Variants in TMEM242 observed in about 807,000 individuals in gnomAD.
TMEM242 encodes the protein UPF0463 transmembrane protein C6orf35.
A neutral mutation model predicts 18.2 loss-of-function variants in TMEM242; 10 were observed. The ratio of observed to expected loss-of-function variants is 0.55; its 90% CI spans 0.34 to 0.93. TMEM242 has a LOEUF of 0.93. Ranked by LOEUF, TMEM242 falls within the 40% of genes least tolerant of loss-of-function variation. The pLI is 0.02. For missense variants in TMEM242, 186 were observed against 175.5 expected, an observed-to-expected ratio of 1.06 and a Z score of -0.34; for synonymous variants, 57 against 69.9, an observed-to-expected ratio of 0.81 and a Z score of 0.92.
chr6:157,316,453 T>C (rs782084257), intron 3 of TMEM242, among the ~76,000 whole-genome samples: 18 of 152,226 alleles, frequency 1.2e-4, no homozygotes, highest in South Asian at 4.1e-4. Context: ...AGATTTTATA[T>C]TGGTCGAAAG....
At position 157,311,173 on chromosome 6, in the gene TMEM242, C is replaced by A. The variant is rs1443540293; in HGVS notation, c.327+7609G>T. Among the ~76,000 whole-genome samples the A allele has an allele frequency of 1.1e-4, 6 of 53,800 alleles. 1 individual carries two copies. The Admixed American group carries it at 1.3e-3, about 11-fold the overall frequency. The allele number at this position is 53,800 out of a possible 152,430, so 35.3% of individuals were successfully genotyped here. A position where few individuals can be genotyped will look rare whatever the true frequency, so the allele number is the denominator to read the frequency against. ...ACTCACCTAGCCCCATCATAGTGTC[C>A]GAATGTGCGCTCACCCAGCCTGATC... On this transcript the variant is annotated intron_variant, in intron 3 of 3. Transcript: ENST00000400788.
At chr6:157,323,208 G>GC (rs1363937017) in intron 1 of TMEM242, among the ~76,000 whole-genome samples, 1 of 152,134 alleles carries the variant, frequency 6.6e-6, no homozygotes, top group African/African-American at 2.4e-5. Context: ...CGCGGGATCT[G>GC]CCCCCCGCCC....
At chr6:157,312,038 CCGGCCTCATCATAG>C (rs1778146532) in intron 3 of TMEM242, among the ~76,000 whole-genome samples, 1 of 57,178 alleles carries the variant, frequency 1.7e-5, no homozygotes, top group African/African-American at 7.9e-5. Context: ...GTGCACTCAA[CCGGCCTCATCATAG>C]TGTCCCAGTG....
chr6:157,301,114 A>G (rs368946556), intron 3 of TMEM242, among the ~76,000 whole-genome samples: 1 of 152,130 alleles, frequency 6.6e-6, no homozygotes, highest in East Asian at 1.9e-4. Flanking sequence ...AAATGATGGC[A>G]CTTTCTCCTC....
intron 3 of TMEM242, among the ~76,000 whole-genome samples, chr6:157,313,383 T>C: frequency 5.3e-5 from 1 of 19,046 alleles, no homozygotes; most frequent in Non-Finnish European, 1.0e-4. Context: ...TGCCTCAGTG[T>C]ACGCTCACCG....
rs1014517930 is a variant in TMEM242 at position 157,318,780 on chromosome 6, A to G, written c.327+2T>C. On this transcript the variant is annotated splice_donor_variant, in intron 3 of 3. Transcript: ENST00000400788. LOFTEE classifies it high-confidence loss of function. ...ACCAGGGACAAGACAGTAGTTACTTACACTGTGAACTCCTAAAGCTTTCCA... is the reference window on the plus strand; with the variant it reads ...ACCAGGGACAAGACAGTAGTTACTTGCACTGTGAACTCCTAAAGCTTTCCA... The G allele has an allele frequency of 1.9e-6, 3 of 1,613,958 alleles. No individual in the cohort carries two copies. The highest frequency in any genetic ancestry group is 2.7e-5 in the African/African-American group (2 of 74,940).
intron 3 of TMEM242, among the ~76,000 whole-genome samples, chr6:157,304,462 CAAAAAAAAAAAAAAAA>C (rs782782714): frequency 5.9e-5 from 4 of 67,234 alleles, no homozygotes; most frequent in African/African-American, 2.2e-4. Flanking sequence ...GAGACTCTGT[CAAAAAAAAAAAAAAAA>C]AAAAAAAAAA....
At chr6:157,309,129 A>G (rs1777957339) in intron 3 of TMEM242, among the ~76,000 whole-genome samples, 1 of 152,190 alleles carries the variant, frequency 6.6e-6, no homozygotes, top group African/African-American at 2.4e-5. Context: ...GTTTAGTGAA[A>G]AAAGATTGCA....
intron 3 of TMEM242, among the ~76,000 whole-genome samples, chr6:157,310,662 A>C (rs1778005746): frequency 6.6e-6 from 1 of 150,970 alleles, no homozygotes; most frequent in African/African-American, 2.5e-5. Flanking sequence ...ACCCGGCCTC[A>C]TCATAGTGTC....
intron 2 of TMEM242, among the ~76,000 whole-genome samples, chr6:157,321,534 TAGTACAAGCATC>T: frequency 6.6e-6 from 1 of 152,272 alleles, no homozygotes; most frequent in East Asian, 1.9e-4. Flanking sequence ...TCTGTACCAT[TAGTACAAGCATC>T]TTAGTATCAT....
In TMEM242 at chr6:157,290,893, G is replaced by C. The variant is rs1198835597; in HGVS notation, c.*2008C>G. ...AAGGACAGCAGAGGTGACATATAAG[G>C]GTTTTGTAGACACGAGGCATGCCAC... On this transcript the variant is annotated 3_prime_UTR_variant, in exon 4 of 4. Coordinates refer to ENST00000400788, the MANE Select transcript of TMEM242 (RefSeq NM_018452.6). 1 of 152,162 alleles carries C rather than the reference G, an allele frequency of 6.6e-6. No individual in the cohort carries two copies. The highest frequency in any genetic ancestry group is 6.5e-5 in the Admixed American group (1 of 15,272). 9.4% of individuals were successfully genotyped at this position (152,162 alleles called of 1,614,324 possible). A position where few individuals can be genotyped will look rare whatever the true frequency, so the allele number is the denominator to read the frequency against.
intron 1 of TMEM242, 21 bp downstream of exon 1, chr6:157,323,391 C>A (rs1322066850): frequency 6.2e-7 from 1 of 1,612,156 alleles, no homozygotes; most frequent in Non-Finnish European, 8.5e-7. Context: ...GACGCCCGCA[C>A]CTCACCACAG....
chr6:157,294,637 AC>A (rs1777728702), intron 3 of TMEM242, among the ~76,000 whole-genome samples: 2 of 152,118 alleles, frequency 1.3e-5, no homozygotes, highest in African/African-American at 4.8e-5. Context: ...GGCGTGAACC[AC>A]CGCGCCCGGC....
intron 3 of TMEM242, among the ~76,000 whole-genome samples, chr6:157,309,663 T>C (rs1459583599): frequency 1.3e-5 from 2 of 152,164 alleles, no homozygotes; most frequent in African/African-American, 4.8e-5. Flanking sequence ...AGTACTGAGA[T>C]TGCAGGCATG....
At position 157,312,496 on chromosome 6, in the gene TMEM242, G is replaced by C. The variant is rs1372845356; in HGVS notation, c.327+6286C>G. Among the ~76,000 whole-genome samples the C allele has an allele frequency of 4.5e-4, 45 of 100,078 alleles. 2 individuals are homozygous for C. Among genetic ancestry groups the C allele is most frequent in the Middle Eastern group, 4.6e-3 (1 of 218 alleles). 65.7% of individuals were successfully genotyped at this position (100,078 alleles called of 152,430 possible). A position where few individuals can be genotyped will look rare whatever the true frequency, so the allele number is the denominator to read the frequency against. On this transcript the variant is annotated intron_variant, in intron 3 of 3. Transcript: ENST00000400788. ...CACCTAGCCTCATCATAGTGTCCCA[G>C]TGTGCACTCACCGAGCCTCATCATA...
intron 3 of TMEM242, among the ~76,000 whole-genome samples, chr6:157,308,130 C>T (rs1041489674): frequency 1.3e-5 from 2 of 152,188 alleles, no homozygotes; most frequent in South Asian, 4.1e-4. Flanking sequence ...CCTTAGAGAT[C>T]ATCAAAGTTA....
rs1299674478 is a variant in TMEM242, at chr6:157,291,691, T to C, written c.*1210A>G. The C allele has an allele frequency of 6.6e-6, 1 of 152,264 alleles. No homozygotes were observed. Among genetic ancestry groups the C allele is most frequent in the Non-Finnish European group, 1.5e-5 (1 of 68,050 alleles). 9.4% of individuals were successfully genotyped at this position (152,264 alleles called of 1,614,324 possible). A position where few individuals can be genotyped will look rare whatever the true frequency, so the allele number is the denominator to read the frequency against. ...ATACAGCAATTTTAACAGGGTAACATGGTCTAGAGAAAAGTATTACATTAA... is the reference window on the plus strand; with the variant it reads ...ATACAGCAATTTTAACAGGGTAACACGGTCTAGAGAAAAGTATTACATTAA... On this transcript the variant is annotated 3_prime_UTR_variant, in exon 4 of 4. Coordinates refer to ENST00000400788, the MANE Select transcript of TMEM242 (RefSeq NM_018452.6).
At chr6:157,311,311 A>C (rs1778072710) in intron 3 of TMEM242, among the ~76,000 whole-genome samples, 1 of 149,064 alleles carries the variant, frequency 6.7e-6, no homozygotes, top group African/African-American at 2.5e-5. Context: ...ATAGTGTCCC[A>C]GTGTGTGTTC....
intron 3 of TMEM242, among the ~76,000 whole-genome samples, chr6:157,311,351 C>CACGCATACG (rs1562382926): frequency 2.4e-4 from 10 of 41,982 alleles, no homozygotes; most frequent in Non-Finnish European, 3.0e-4. Context: ...TCCCAGTGTG[C>CACGCATACG]GCTCACCTAG....
Sources: gnomAD v4.1 joint callset for allele counts (sites outside exome capture counted in the v4.1 genomes callset) on GRCh38, gnomAD v4.1.1 for gene constraint, MANE v1.5 for transcripts, NCBI Gene and HGNC (gene_info 2026-07-23, HGNC 2026-07-21) for gene names.